Variants in SLC26A9 observed in about 807,000 individuals in gnomAD.
The protein encoded by SLC26A9 is anion transporter/exchanger protein 9.
In SLC26A9, 46 loss-of-function variants were observed where a neutral mutation model predicts 87.1. The ratio of observed to expected loss-of-function variants is 0.53; its 90% CI spans 0.42 to 0.67. The LOEUF is 0.67. Among genes scored for constraint, SLC26A9 ranks in the 30% least tolerant of loss-of-function variants. The pLI is 0.00. For synonymous variants in SLC26A9, 437 were observed against 409.1 expected, an observed-to-expected ratio of 1.07 and a Z score of -0.82; for missense variants, 927 against 1,018.3, an observed-to-expected ratio of 0.91 and a Z score of 1.22.
Position 205,913,806 on chromosome 1 carries a change from C to G in SLC26A9, c.*1551G>C, listed in dbSNP as rs1255314734. 1 of 152,490 alleles carries G rather than the reference C, an allele frequency of 6.6e-6. No homozygotes were observed. Among genetic ancestry groups the G allele is most frequent in the African/African-American group, 2.4e-5 (1 of 41,402 alleles). The allele number at this position is 152,490 out of a possible 1,614,324, so 9.4% of individuals were successfully genotyped here. On this transcript the variant is annotated 3_prime_UTR_variant, in exon 21 of 21. Transcript: ENST00000367135. Reference sequence around the variant, plus strand: ...AATGTGTTGGCTCTTGGCCAGCACCCCCTCCTTTAACTCTAAGAAGACTTG... The same window carrying G: ...AATGTGTTGGCTCTTGGCCAGCACCGCCTCCTTTAACTCTAAGAAGACTTG...
Position 205,929,979 on chromosome 1 carries a change from G to T in SLC26A9, c.630C>A (p.Ala210=). The T allele has an allele frequency of 6.2e-7, 1 of 1,613,926 alleles. No individual in the cohort carries two copies. The change falls in exon 6 of 21, where the codon GCC becomes GCA. Residue 210 remains alanine (A), a synonymous_variant. Transcript: ENST00000367135. ...SESFIRGFMT[A]AGLQILISVL... is the part of the protein sequence containing the mutation. The stretch of plus-strand genomic sequence containing the variant: ...CCGAAATCAGGATCTGCAGGCCGGC[G>T]GCCGTCATGAAGCCCCGGATGAAGG...
intron 12 of SLC26A9, 68 bp from the exon 13 acceptor site, chr1:205,924,557 A>G (rs1308982028): frequency 1.4e-6 from 2 of 1,438,112 alleles, no homozygotes; most frequent in Non-Finnish European, 1.9e-6. Context: ...GTCTTCCTGG[A>G]TTAGCCAAGG....
intron 18 of SLC26A9, among the ~76,000 whole-genome samples, 156 bp from the exon 19 acceptor site, chr1:205,919,141 G>T (rs1227077630): frequency 6.6e-6 from 1 of 152,236 alleles, no homozygotes; most frequent in Non-Finnish European, 1.5e-5. Flanking sequence ...TGCAATATCA[G>T]TTTTGGACGG....
chr1:205,935,486 T>C (rs982137092), intron 2 of SLC26A9: 5 of 594,764 alleles, frequency 8.4e-6, no homozygotes, highest in Admixed American at 6.4e-5. Flanking sequence ...ATAACCCTTC[T>C]GGATGGTTCT....
In SLC26A9 at chr1:205,914,768, G is replaced by T; in HGVS notation, c.*589C>A. The T allele has an allele frequency of 8.3e-7, 1 of 1,209,494 alleles. No homozygotes were observed. The highest frequency in any genetic ancestry group is 1.5e-5 in the African/African-American group (1 of 65,830). The allele number at this position is 1,209,494 out of a possible 1,614,324, so 74.9% of individuals were successfully genotyped here. On this transcript the variant is annotated 3_prime_UTR_variant, in exon 21 of 21. Transcript: ENST00000367135. ...CAGCCTTGGGGATGATGGAGGGGGG[G>T]CGCATAGTTACCAAGGCCTAGACTC...
At chr1:205,940,715 C>T (rs571058395) in intron 1 of SLC26A9, among the ~76,000 whole-genome samples, 51 of 152,318 alleles carry the variant, frequency 3.3e-4, no homozygotes, top group Non-Finnish European at 3.8e-4. Flanking sequence ...ATCTGCAGAG[C>T]AGGACTGTGA....
Position 205,941,951 on chromosome 1 carries a change from G to A in SLC26A9, c.-19+1414C>T, listed in dbSNP as rs562793585. Among the ~76,000 whole-genome samples the A allele has an allele frequency of 1.4e-4, 22 of 152,270 alleles. 1 individual carries two copies. In the South Asian group the frequency reaches 4.1e-3, roughly 29 times the overall value. On this transcript the variant is annotated intron_variant, in intron 1 of 20. Coordinates refer to ENST00000367135, the MANE Select transcript of SLC26A9 (RefSeq NM_052934.4). ...AGAAATCCAGGCGAAAGCCCAGAGAGGCATCCAGTGAAGATCAACTCCCCT... is the reference window on the plus strand; with the variant it reads ...AGAAATCCAGGCGAAAGCCCAGAGAAGCATCCAGTGAAGATCAACTCCCCT...
rs139120548 is a variant in SLC26A9, at chr1:205,929,342, A to C, written c.732T>G (p.Ile244Met). The change falls in exon 7 of 21, where the codon ATT becomes ATG. Residue 244 changes from isoleucine (I) to methionine (M), a missense_variant. Ile to Met is a conservative substitution (Grantham distance 10). Coordinates refer to ENST00000367135, the MANE Select transcript of SLC26A9 (RefSeq NM_052934.4). ...TGTTGGTGTGGGGGAGGTTTTTGCA[A>C]ATGTCAATGAAGGTCTGGGGGAAAG... ...PGSIVFTFID[I>M]CKNLPHTNIA... 6.5e-5 allele frequency: 105 copies of C among 1,613,924 alleles called. No homozygotes were observed. The African/African-American group carries it at 1.3e-3, about 20-fold the overall frequency.
At chr1:205,922,387 C>G (rs1194380121) in intron 16 of SLC26A9, among the ~76,000 whole-genome samples, 1 of 152,220 alleles carries the variant, frequency 6.6e-6, no homozygotes, top group Non-Finnish European at 1.5e-5. Flanking sequence ...GAGTGATTCT[C>G]CCATCTCGGC....
intron 5 of SLC26A9, among the ~76,000 whole-genome samples, chr1:205,930,876 G>A (rs1659275385): frequency 6.6e-6 from 1 of 152,152 alleles, no homozygotes; most frequent in Non-Finnish European, 1.5e-5. Context: ...ACTCTGCTCT[G>A]TGTCCCTACA....
intron 2 of SLC26A9, chr1:205,935,473 C>T (rs1225564292): frequency 3.8e-6 from 2 of 521,698 alleles, no homozygotes; most frequent in African/African-American, 1.9e-5. Context: ...TTGGGAATGC[C>T]ATATAACCCT....
chr1:205,918,415 G>C (rs1358872870), intron 19 of SLC26A9, among the ~76,000 whole-genome samples: 1 of 152,154 alleles, frequency 6.6e-6, no homozygotes, highest in Non-Finnish European at 1.5e-5. Context: ...CTAAGCTCCG[G>C]TAAGTTAAAA....
At chr1:205,928,985 T>G (rs1571745901) in intron 7 of SLC26A9, 76 bp from the exon 8 acceptor site, 2 of 1,564,212 alleles carry the variant, frequency 1.3e-6, no homozygotes, top group East Asian at 4.5e-5. Flanking sequence ...AAGTCTCCCT[T>G]TTCTCTGGGG....
intron 5 of SLC26A9, 65 bp from the exon 6 acceptor site, chr1:205,930,121 G>GC: frequency 6.6e-7 from 1 of 1,506,546 alleles, no homozygotes; most frequent in Non-Finnish European, 9.0e-7. Context: ...CCAACGACCC[G>GC]CCCCACACAC....
rs780733268 is a variant in SLC26A9, at chr1:205,931,863, G to T, written c.549C>A (p.Ile183=). The T allele has an allele frequency of 1.9e-6, 3 of 1,612,706 alleles. No homozygotes were observed. The highest frequency in any genetic ancestry group is 1.1e-5 in the South Asian group (1 of 90,940). The stretch of plus-strand genomic sequence containing the variant: ...GGGTTGGGGGCTGCCCCCTCACCTG[G>T]ATGATGGCGGTGAGGCAGGCTAGCG... ...SATLACLTAI[I]QMGLGFMQFG... Residue 183 remains isoleucine, a synonymous_variant, in exon 5 of 21, where the codon ATC becomes ATA. Coordinates refer to ENST00000367135, the MANE Select transcript of SLC26A9 (RefSeq NM_052934.4).
chr1:205,930,977 A>G (rs750227389), intron 5 of SLC26A9, among the ~76,000 whole-genome samples: 22 of 152,176 alleles, frequency 1.4e-4, no homozygotes, highest in Non-Finnish European at 2.9e-4. Flanking sequence ...GCTGTGAGCA[A>G]CTTGTGAATT....
At chr1:205,935,674 G>A (rs1297631457) in intron 2 of SLC26A9, 22 bp downstream of exon 2, 4 of 1,613,876 alleles carry the variant, frequency 2.5e-6, no homozygotes, top group Non-Finnish European at 2.5e-6. Flanking sequence ...GGAGGCAGAA[G>A]TCTGGGCTCT....
rs1181334327 is a variant in SLC26A9, at chr1:205,935,582, C to G, written c.125+114G>C. ...TTCATCATTCAGAACCTCACTTCCC[C>G]AGGGCTTCCCTTAACCCCATCTTAG... On this transcript the variant is annotated intron_variant, in intron 2 of 20. Coordinates refer to ENST00000367135, the MANE Select transcript of SLC26A9 (RefSeq NM_052934.4). 1.5e-5 allele frequency: 22 copies of G among 1,486,014 alleles called. No homozygotes were observed. The East Asian group carries it at 4.3e-4, about 29-fold the overall frequency. The allele number at this position is 1,486,014 out of a possible 1,614,324, so 92.1% of individuals were successfully genotyped here.
chr1:205,933,787 A>G (rs1659403431), intron 2 of SLC26A9, among the ~76,000 whole-genome samples: 1 of 152,102 alleles, frequency 6.6e-6, no homozygotes, highest in East Asian at 1.9e-4. Context: ...TTCTCCTGTT[A>G]ATTCACTGGG....
Sources: gnomAD v4.1 joint callset for allele counts (sites outside exome capture counted in the v4.1 genomes callset) on GRCh38, gnomAD v4.1.1 for gene constraint, MANE v1.5 for transcripts, NCBI Gene and HGNC (gene_info 2026-07-23, HGNC 2026-07-21) for gene names.